The following CFAP299 variants were observed in gnomAD, a reference collection of about 807,000 sequenced individuals.
CFAP299 encodes cilia- and flagella-associated protein 299.
In CFAP299, 21 loss-of-function variants were observed where a neutral mutation model predicts 27.0. The ratio of observed to expected loss-of-function variants is 0.78; its 90% CI spans 0.55 to 1.12. The LOEUF is 1.12. Among genes scored for constraint, CFAP299 ranks in the 50% most tolerant of loss-of-function variants. The pLI is 0.00. For missense variants in CFAP299, 310 were observed against 276.6 expected, an observed-to-expected ratio of 1.12 and a Z score of -0.86; for synonymous variants, 104 against 98.1, an observed-to-expected ratio of 1.06 and a Z score of -0.36.
At chr4:80,533,744 T>A (rs553351245) in intron 2 of CFAP299, among the ~76,000 whole-genome samples, 1 of 152,264 alleles carries the variant, frequency 6.6e-6, no homozygotes, top group South Asian at 2.1e-4. Flanking sequence ...GTGTACATGC[T>A]CCAAGGATGC....
At chr4:80,434,378 T>C (rs1164183974) in intron 2 of CFAP299, among the ~76,000 whole-genome samples, 1 of 152,192 alleles carries the variant, frequency 6.6e-6, no homozygotes, top group Non-Finnish European at 1.5e-5. Context: ...CAAGCTCCTT[T>C]GGAGGTGATT....
chr4:80,931,732 ACACACACG>A (rs746680647), intron 4 of CFAP299, among the ~76,000 whole-genome samples: 1 of 151,774 alleles, frequency 6.6e-6, no homozygotes, highest in African/African-American at 2.4e-5. Context: ...ACACACACAC[ACACACACG>A]CACACACGCA....
chr4:80,419,078 A>G (rs1727161090), intron 2 of CFAP299, among the ~76,000 whole-genome samples: 2 of 152,204 alleles, frequency 1.3e-5, no homozygotes, highest in Non-Finnish European at 2.9e-5. Context: ...CTCAGAAGAA[A>G]GAATTTGACT....
chr4:80,919,894 A>G (rs1000138458), intron 4 of CFAP299, among the ~76,000 whole-genome samples: 1 of 152,134 alleles, frequency 6.6e-6, no homozygotes, highest in Admixed American at 6.6e-5. Context: ...CCCCCAGTAT[A>G]TATGGGTTTG....
intron 3 of CFAP299, among the ~76,000 whole-genome samples, chr4:80,676,044 CACCCACTGTCTG>C (rs1308458548): frequency 6.6e-6 from 1 of 152,148 alleles, no homozygotes; most frequent in Non-Finnish European, 1.5e-5. Context: ...CCATGGGCTG[CACCCACTGTCTG>C]ACCAGTCCCA....
chr4:80,812,424 G>T lies in CFAP299; in HGVS notation c.334-57569G>T, dbSNP rs550666495. On this transcript the variant is annotated intron_variant, in intron 3 of 5. Transcript: ENST00000358105. Reference sequence around the variant, plus strand: ...CTCCCTTATCCTAGGATTGAATAAAGAAAATTTATCAGATGAGATGACACT... The same window carrying T: ...CTCCCTTATCCTAGGATTGAATAAATAAAATTTATCAGATGAGATGACACT... 9.2e-5 allele frequency among the ~76,000 whole-genome samples: 14 copies of T among 152,144 alleles called. 1 individual carries two copies. The South Asian group carries it at 2.9e-3, about 32-fold the overall frequency.
rs1332392501 is a variant in CFAP299, at chr4:80,335,868, T to A, written c.100T>A (p.Tyr34Asn). 6.2e-7 allele frequency: 1 copy of A among 1,605,942 alleles called. No individual in the cohort carries two copies. The highest frequency in any genetic ancestry group is 1.7e-5 in the Admixed American group (1 of 60,022). ...CTCGCAGATCACTACTGTGGACTTGTACTACCTGGAGGTAAGGGCGGAGCG... is the reference window on the plus strand; with the variant it reads ...CTCGCAGATCACTACTGTGGACTTGAACTACCTGGAGGTAAGGGCGGAGCG... The part of the protein sequence containing the change: ...LDSQITTVDL[Y>N]YLEDETLARQ... Residue 34 changes from tyrosine to asparagine, a missense_variant, in exon 1 of 6, where the codon TAC becomes AAC. Coordinates refer to ENST00000358105, the MANE Select transcript of CFAP299 (RefSeq NM_152770.3).
intron 3 of CFAP299, among the ~76,000 whole-genome samples, chr4:80,616,031 C>A (rs13110172): frequency 0.021 from 3,241 of 152,290 alleles, 55 homozygotes; most frequent in Middle Eastern, 0.037. Context: ...ACAGAACTCT[C>A]TCCTCTCAAC....
At chr4:80,691,957 G>T in intron 3 of CFAP299, among the ~76,000 whole-genome samples, 1 of 151,962 alleles carries the variant, frequency 6.6e-6, no homozygotes, top group Non-Finnish European at 1.5e-5. Context: ...GCTTCAAAGA[G>T]AATAAAATAC....
intron 3 of CFAP299, among the ~76,000 whole-genome samples, chr4:80,597,799 G>T (rs1011648000): frequency 2.0e-5 from 3 of 152,026 alleles, no homozygotes; most frequent in African/African-American, 7.3e-5. Flanking sequence ...CAATTCTCCT[G>T]CCTCAGCCTC....
intron 3 of CFAP299, among the ~76,000 whole-genome samples, chr4:80,600,541 T>C (rs990822781): frequency 4.6e-5 from 7 of 152,156 alleles, no homozygotes; most frequent in Non-Finnish European, 8.8e-5. Flanking sequence ...GCTTTTAAAT[T>C]AAAAACAAGC....
rs115761932 is a variant in CFAP299, at chr4:80,624,534, A to C, written c.333+41351A>C. Among the ~76,000 whole-genome samples, 1,030 of 152,146 alleles carry C rather than the reference A, an allele frequency of 6.8e-3. 13 individuals are homozygous for C. Among genetic ancestry groups the C allele is most frequent in the African/African-American group, 0.024 (989 of 41,546 alleles). On this transcript the variant is annotated intron_variant, in intron 3 of 5. Transcript: ENST00000358105. ...GCAAAACATTTGAGTCAGGGAATAC[A>C]ATTAAAAAAAGATAAAGGGGTAAGA...
chr4:80,345,436 C>T (rs1449520321), intron 1 of CFAP299, among the ~76,000 whole-genome samples: 1 of 146,588 alleles, frequency 6.8e-6, no homozygotes, highest in East Asian at 2.0e-4. Context: ...CCCCCCAACC[C>T]ATGACAGACC....
At chr4:80,690,037 A>G (rs964125588) in intron 3 of CFAP299, among the ~76,000 whole-genome samples, 1 of 149,192 alleles carries the variant, frequency 6.7e-6, no homozygotes, top group Non-Finnish European at 1.5e-5. Context: ...ACCCAGATTC[A>G]TAAAGCAAGT....
At chr4:80,501,395 A>G (rs571555620) in intron 2 of CFAP299, among the ~76,000 whole-genome samples, 1 of 147,508 alleles carries the variant, frequency 6.8e-6, no homozygotes, top group South Asian at 2.1e-4. Context: ...CTATATAAAC[A>G]TATAAATATG....
chr4:80,494,885 A>G (rs571959807), intron 2 of CFAP299, among the ~76,000 whole-genome samples: 20 of 152,238 alleles, frequency 1.3e-4, no homozygotes, highest in Non-Finnish European at 2.8e-4. Flanking sequence ...AGAGAGGGCT[A>G]CAGGCCCCAC....
chr4:80,371,494 C>T (rs1724150681), intron 2 of CFAP299, among the ~76,000 whole-genome samples: 1 of 152,166 alleles, frequency 6.6e-6, no homozygotes. Context: ...CTCTGTTTCT[C>T]TTTTAAATAT....
intron 2 of CFAP299, among the ~76,000 whole-genome samples, chr4:80,479,383 T>A (rs1365563612): frequency 6.6e-6 from 1 of 152,048 alleles, no homozygotes; most frequent in Non-Finnish European, 1.5e-5. Flanking sequence ...CTCCTTGAGG[T>A]TTATAGCTTT....
At chr4:80,732,431 A>G (rs761627659) in intron 3 of CFAP299, among the ~76,000 whole-genome samples, 58 of 152,158 alleles carry the variant, frequency 3.8e-4, no homozygotes, top group Admixed American at 1.0e-3. Context: ...GTCTCATACA[A>G]GGGTTAGGTA....
Sources: gnomAD v4.1 joint callset for allele counts (sites outside exome capture counted in the v4.1 genomes callset) on GRCh38, gnomAD v4.1.1 for gene constraint, MANE v1.5 for transcripts, NCBI Gene and HGNC (gene_info 2026-07-23, HGNC 2026-07-21) for gene names.